The following PCLO variants were observed in gnomAD, a reference collection of about 807,000 sequenced individuals.
PCLO encodes the protein protein piccolo.
A neutral mutation model predicts 427.5 loss-of-function variants in PCLO; 82 were observed. The observed-to-expected ratio is 0.19, with a 90% CI of 0.16 to 0.23. The LOEUF (loss-of-function observed/expected upper bound fraction) is 0.23, where lower values mean the gene tolerates loss of function less well. Ranked by LOEUF, PCLO falls within the 10% of genes least tolerant of loss-of-function variation. The pLI, the probability that PCLO is intolerant of heterozygous loss-of-function variation, is 1.00. For synonymous variants in PCLO, 2,357 were observed against 2,155.4 expected (o/e 1.09, Z -2.59); for missense variants, 6,239 against 6,115.9 (o/e 1.02, Z -0.67).
At chr7:83,153,741 T>C (rs1277285320) in intron 2 of PCLO, among the ~76,000 whole-genome samples, 1 of 152,204 alleles carries the variant, frequency 6.6e-6, no homozygotes, top group Non-Finnish European at 1.5e-5. Flanking sequence ...ATTTATATGC[T>C]GATCATTACC....
chr7:82,998,391 AAACAACAACAACAACAAC>A (rs79603092), intron 3 of PCLO, among the ~76,000 whole-genome samples: 74,848 of 149,210 alleles, frequency 0.5, 20,493 homozygotes, highest in East Asian at 0.85. Flanking sequence ...TGTCCTTTAA[AAACAACAACAACAACAAC>A]AACAACAACA....
chr7:82,832,356 A>G (rs375813746), intron 16 of PCLO, among the ~76,000 whole-genome samples: 1 of 151,938 alleles, frequency 6.6e-6, no homozygotes. Context: ...GGTTCACGCC[A>G]TTCTCCTGCC....
chr7:83,139,348 T>A (rs542554803), intron 2 of PCLO, among the ~76,000 whole-genome samples: 1 of 152,338 alleles, frequency 6.6e-6, no homozygotes, highest in South Asian at 2.1e-4. Flanking sequence ...TTGGTTTCAT[T>A]AGTAAAATTC....
At chr7:82,905,348 A>G (rs982936972) in intron 8 of PCLO, among the ~76,000 whole-genome samples, 35 of 152,048 alleles carry the variant, frequency 2.3e-4, no homozygotes, top group Admixed American at 2.0e-4. Context: ...CGGAAGACAG[A>G]TAGCCTTCAT....
chr7:83,061,825 A>C (rs545874147), intron 3 of PCLO, among the ~76,000 whole-genome samples: 19 of 152,232 alleles, frequency 1.2e-4, no homozygotes, highest in African/African-American at 4.3e-4. Context: ...CTCCCTAACC[A>C]TTTGGGTTGA....
intron 9 of PCLO, among the ~76,000 whole-genome samples, chr7:82,892,549 A>G (rs1344209408): frequency 6.6e-6 from 1 of 152,056 alleles, no homozygotes; most frequent in African/African-American, 2.4e-5. Context: ...ACCAAAAGCA[A>G]TGGCAACAAA....
chr7:82,896,962 T>C (rs1793919713), intron 9 of PCLO, among the ~76,000 whole-genome samples: 1 of 151,710 alleles, frequency 6.6e-6, no homozygotes, highest in Admixed American at 6.6e-5. Flanking sequence ...TCAGAAGAAT[T>C]TCTTTGGCTT....
At chr7:83,033,039 C>T (rs911486435) in intron 3 of PCLO, among the ~76,000 whole-genome samples, 2 of 152,148 alleles carry the variant, frequency 1.3e-5, no homozygotes, top group Non-Finnish European at 1.5e-5. Flanking sequence ...AAGTGTTTGG[C>T]ATTTTCGCCT....
intron 2 of PCLO, among the ~76,000 whole-genome samples, chr7:83,145,862 T>C (rs1395458981): frequency 1.3e-5 from 2 of 152,252 alleles, no homozygotes; most frequent in South Asian, 2.1e-4. Context: ...AAGTAGCTGA[T>C]CTAGGTAGGA....
Position 82,954,687 on chromosome 7 carries a change from T to G in PCLO, c.6266A>C (p.Glu2089Ala). Reference protein sequence around the residue: ...GSSPTQAPIGEDMTESTMDFD... With the variant: ...GSSPTQAPIGADMTESTMDFD... ...GTCCATGGTGGACTCTGTCATATCC[T>G]CACCAATGGGGGCCTGGGTTGGGCT... is the stretch of plus-strand genomic sequence containing the variant. Residue 2089 changes from glutamate to alanine, a missense_variant, in exon 5 of 25, where the codon GAG (glutamate) becomes GCG (alanine). Glu to Ala is a moderately radical substitution (Grantham distance 107). Around this residue, in one of 5 missense-constraint regions of PCLO, gnomAD observed 4,677 missense variants for 4,468.4 expected, o/e 1.05. Coordinates refer to ENST00000333891, the MANE Select transcript of PCLO (RefSeq NM_033026.6). 6.2e-7 allele frequency: 1 copy of G among 1,613,940 alleles called. No homozygotes were observed. Among genetic ancestry groups the G allele is most frequent in the South Asian group, 1.1e-5 (1 of 91,080 alleles).
rs576501516 is a variant in PCLO at position 83,031,676 on chromosome 7, T to C, written c.3301-65189A>G. Reference sequence around the variant, plus strand: ...CTCTAAGAATCACCAAGTAACTAAATAAGGAATGAAAAGCTACATTAAGAA... The same window carrying C: ...CTCTAAGAATCACCAAGTAACTAAACAAGGAATGAAAAGCTACATTAAGAA... On this transcript the variant is annotated intron_variant, in intron 3 of 24. Coordinates refer to ENST00000333891, the MANE Select transcript of PCLO (RefSeq NM_033026.6). Among the ~76,000 whole-genome samples, 58 of 152,006 alleles carry C rather than the reference T, an allele frequency of 3.8e-4. No homozygotes were observed. In the South Asian group the frequency reaches 0.011, roughly 28 times the overall value.
intron 9 of PCLO, among the ~76,000 whole-genome samples, chr7:82,883,504 C>T (rs141655623): frequency 4.6e-5 from 7 of 152,114 alleles, no homozygotes; most frequent in Admixed American, 4.6e-4. Context: ...AGAATTTTCA[C>T]TATTTATCCA....
chr7:82,847,101 G>A (rs1158396977), intron 11 of PCLO, 38 bp downstream of exon 11: 2 of 1,156,062 alleles, frequency 1.7e-6, no homozygotes, highest in Middle Eastern at 2.0e-4. Flanking sequence ...GTCATGGATA[G>A]CCAAAAAATG....
chr7:83,103,245 G>T (rs576466958), intron 3 of PCLO, among the ~76,000 whole-genome samples: 4 of 151,764 alleles, frequency 2.6e-5, no homozygotes, highest in Admixed American at 6.6e-5. Context: ...AACTTAGCTC[G>T]CAATTAACTA....
In PCLO at chr7:82,838,251, G is replaced by A. The variant is rs746941270; in HGVS notation, c.14189C>T (p.Pro4730Leu). 9 of 1,599,520 alleles carry A rather than the reference G, an allele frequency of 5.6e-6. No individual in the cohort carries two copies. In the Admixed American group the frequency reaches 1.4e-4, roughly 24 times the overall value. Residue 4730 changes from proline (P) to leucine (L), a missense_variant, in exon 15 of 25, where the codon CCT (proline) becomes CTT (leucine). Physicochemically the swap from Pro to Leu is moderately conservative, Grantham distance 98. Transcript: ENST00000333891. ...VPRDNNGYSD[P>L]FVKVYLLPGR... is the part of the protein sequence containing the mutation. ...TGGAAGAAGGTACACTTTCACAAAAGGGTCAGAATAACCATTGTTGTCTCG... is the reference window on the plus strand; with the variant it reads ...TGGAAGAAGGTACACTTTCACAAAAAGGTCAGAATAACCATTGTTGTCTCG...
intron 6 of PCLO, among the ~76,000 whole-genome samples, chr7:82,938,350 AT>A (rs1795003982): frequency 6.6e-6 from 1 of 151,862 alleles, no homozygotes; most frequent in Non-Finnish European, 1.5e-5. Flanking sequence ...CTATACATGT[AT>A]TTTTTAACTG....
At chr7:83,057,481 C>A (rs892008750) in intron 3 of PCLO, among the ~76,000 whole-genome samples, 1 of 147,676 alleles carries the variant, frequency 6.8e-6, no homozygotes, top group Non-Finnish European at 1.5e-5. Context: ...CCTGCCTCAG[C>A]CTCCCAAGTA....
At chr7:83,141,182 G>A (rs1354777348) in intron 2 of PCLO, among the ~76,000 whole-genome samples, 1 of 152,142 alleles carries the variant, frequency 6.6e-6, no homozygotes, top group Non-Finnish European at 1.5e-5. Flanking sequence ...CAAATGGTGG[G>A]AGAAACGGAA....
chr7:82,887,105 T>C (rs2116091229), intron 9 of PCLO, among the ~76,000 whole-genome samples: 1 of 152,294 alleles, frequency 6.6e-6, no homozygotes, highest in African/African-American at 2.4e-5. Flanking sequence ...CCGTAGCTTT[T>C]TTTGCGTTGC....
Sources: allele counts gnomAD v4.1 joint callset (sites outside exome capture counted in the v4.1 genomes callset), GRCh38; gene constraint gnomAD v4.1.1; regional missense constraint gnomAD v4.1.1; transcripts MANE v1.5; gene names NCBI Gene and HGNC (gene_info 2026-07-23, HGNC 2026-07-21).